Variants in TRHDE observed in about 807,000 individuals in gnomAD.
TRHDE encodes thyrotropin-releasing hormone-degrading ectoenzyme.
Under a neutral mutation model 125.7 loss-of-function variants are expected in TRHDE, and 72 were observed. The ratio of observed to expected loss-of-function variants is 0.57; its 90% confidence interval spans 0.47 to 0.70. TRHDE has a LOEUF of 0.70. Among genes scored for constraint, TRHDE ranks in the 30% least tolerant of loss-of-function variants. The probability of loss-of-function intolerance (pLI) is 0.00; values close to 1 mark genes in which losing one functional copy is unlikely to be tolerated. For synonymous variants in TRHDE, 509 were observed against 509.1 expected (o/e 1.00, Z 0.00); for missense variants, 1,110 against 1,327.1 (o/e 0.84, Z 2.54).
At chr12:72,191,640 C>T (rs1284604434) in intron 2 of TRHDE, among the ~76,000 whole-genome samples, 3 of 151,962 alleles carry the variant, frequency 2.0e-5, no homozygotes, top group African/African-American at 2.4e-5. Flanking sequence ...ATAATGTACC[C>T]TTAAAATATT....
intron 2 of TRHDE, among the ~76,000 whole-genome samples, chr12:72,370,708 A>G (rs1304263806): frequency 2.0e-5 from 3 of 151,430 alleles, no homozygotes; most frequent in Non-Finnish European, 2.9e-5. Flanking sequence ...ATATCCTCCT[A>G]TGAATTCCCA....
At chr12:72,637,373 A>G (rs1248970515) in intron 15 of TRHDE, among the ~76,000 whole-genome samples, 1 of 151,862 alleles carries the variant, frequency 6.6e-6, no homozygotes, top group Admixed American at 6.6e-5. Flanking sequence ...CTTTTATTGC[A>G]TCTATTTGAT....
At chr12:72,263,595 A>G (rs1393787100) in intron 2 of TRHDE, 3 of 152,070 alleles carry the variant, frequency 2.0e-5, no homozygotes. Flanking sequence ...AGATTGATGT[A>G]TCAATGAGTA....
chr12:72,519,538 C>A (rs186859168), intron 6 of TRHDE, among the ~76,000 whole-genome samples: 1 of 152,266 alleles, frequency 6.6e-6, no homozygotes, highest in Admixed American at 6.5e-5. Context: ...TCTAGTTATA[C>A]ATTCTTCTAA....
chr12:72,130,112 C>A (rs896679911), intron 2 of TRHDE, among the ~76,000 whole-genome samples: 9 of 151,850 alleles, frequency 5.9e-5, no homozygotes, highest in Admixed American at 3.3e-4. Context: ...CCAGCCTGGC[C>A]AACATGGTGA....
At chr12:72,188,736 TA>T (rs201185642) in intron 2 of TRHDE, among the ~76,000 whole-genome samples, 5 of 152,232 alleles carry the variant, frequency 3.3e-5, no homozygotes, top group African/African-American at 7.2e-5. Context: ...TGAAAGACTT[TA>T]AAAAAAATCA....
chr12:72,537,100 A>T (rs1868901559), intron 6 of TRHDE, among the ~76,000 whole-genome samples: 1 of 152,040 alleles, frequency 6.6e-6, no homozygotes, highest in African/African-American at 2.4e-5. Context: ...ACCCATGTCA[A>T]TTTCTACAAG....
chr12:72,182,994 G>A (rs1328447171), intron 2 of TRHDE, among the ~76,000 whole-genome samples: 2 of 152,128 alleles, frequency 1.3e-5, no homozygotes, highest in Non-Finnish European at 2.9e-5. Flanking sequence ...GGCAGAGGAG[G>A]GGAGATATCA....
chr12:72,361,047 T>G (rs761950013), intron 2 of TRHDE, among the ~76,000 whole-genome samples: 2 of 151,866 alleles, frequency 1.3e-5, no homozygotes, highest in Non-Finnish European at 2.9e-5. Context: ...TTCTCATTGT[T>G]CGGCTCCCAC....
intron 7 of TRHDE, among the ~76,000 whole-genome samples, chr12:72,546,600 A>T (rs1335705351): frequency 1.3e-5 from 2 of 151,584 alleles, no homozygotes; most frequent in African/African-American, 4.8e-5. Flanking sequence ...AATTGTAGAT[A>T]ACCATCTCTG....
At chr12:72,189,973 C>T (rs1419822808) in intron 2 of TRHDE, among the ~76,000 whole-genome samples, 3 of 152,120 alleles carry the variant, frequency 2.0e-5, no homozygotes, top group Non-Finnish European at 4.4e-5. Flanking sequence ...AGGTACTACA[C>T]GCATCCAAAC....
chr12:72,597,478 G>A (rs1871990841), intron 12 of TRHDE, among the ~76,000 whole-genome samples: 1 of 151,496 alleles, frequency 6.6e-6, no homozygotes, highest in South Asian at 2.1e-4. Context: ...GACCAGCCTG[G>A]CCAACATGGT....
At chr12:72,410,016 T>G (rs1414474198) in intron 3 of TRHDE, among the ~76,000 whole-genome samples, 2 of 151,848 alleles carry the variant, frequency 1.3e-5, no homozygotes, top group African/African-American at 4.8e-5. Flanking sequence ...AATAATAAAA[T>G]TTACAAATAT....
At position 72,314,335 on chromosome 12, in the gene TRHDE, CCCTT is replaced by C. The variant is rs200746563; in HGVS notation, c.1188+27391_1188+27394del. ...CTCCTCCCTTCCTCCCTCCCTCCCT[CCCTT>C]CCTTCCTTCTTTTTTTTTAAAAAAA... On this transcript the variant is annotated intron_variant, in intron 2 of 18. Transcript: ENST00000261180. Among the ~76,000 whole-genome samples, 1,216 of 142,328 alleles carry C rather than the reference CCCTT, an allele frequency of 8.5e-3. 12 individuals are homozygous for C. Among genetic ancestry groups the C allele is most frequent in the African/African-American group, 0.03 (1,157 of 39,024 alleles). The allele number at this position is 142,328 out of a possible 152,430, so 93.4% of individuals were successfully genotyped here. A position where few individuals can be genotyped will look rare whatever the true frequency, so the allele number is the denominator to read the frequency against.
intron 3 of TRHDE, among the ~76,000 whole-genome samples, chr12:72,440,037 T>C (rs1186935307): frequency 6.6e-6 from 1 of 152,016 alleles, no homozygotes; most frequent in Non-Finnish European, 1.5e-5. Flanking sequence ...TTGTTCTTCA[T>C]TCTGTTAATG....
chr12:72,363,341 C>T (rs1014194401), intron 2 of TRHDE, among the ~76,000 whole-genome samples: 17 of 151,760 alleles, frequency 1.1e-4, no homozygotes, highest in African/African-American at 4.1e-4. Flanking sequence ...AGTCCAATAT[C>T]CTTGATGAAC....
intron 9 of TRHDE, among the ~76,000 whole-genome samples, chr12:72,564,435 T>A (rs1466171736): frequency 6.6e-6 from 1 of 152,054 alleles, no homozygotes; most frequent in Non-Finnish European, 1.5e-5. Flanking sequence ...ATGATCAGTG[T>A]GACACAAGCA....
chr12:72,521,291 C>T (rs1425043565), intron 6 of TRHDE, among the ~76,000 whole-genome samples: 1 of 152,174 alleles, frequency 6.6e-6, no homozygotes, highest in East Asian at 1.9e-4. Context: ...ATTTGCATTG[C>T]CTCCCTTCTC....
At chr12:72,408,362 A>G (rs1873353439) in intron 3 of TRHDE, among the ~76,000 whole-genome samples, 1 of 152,180 alleles carries the variant, frequency 6.6e-6, no homozygotes, top group South Asian at 2.1e-4. Context: ...TAAACACCCA[A>G]ATTTACTAGA....
Sources: allele counts gnomAD v4.1 joint callset (sites outside exome capture counted in the v4.1 genomes callset), GRCh38; gene constraint gnomAD v4.1.1; transcripts MANE v1.5; gene names NCBI Gene and HGNC (gene_info 2026-07-23, HGNC 2026-07-21).